The following NPTX2 variants were observed in gnomAD, a reference collection of about 807,000 sequenced individuals.
NPTX2 encodes the protein neuronal pentraxin 2.
A neutral mutation model predicts 38.1 loss-of-function variants in NPTX2; 23 were observed. The ratio of observed to expected loss-of-function variants is 0.60; its 90% CI spans 0.43 to 0.85. NPTX2 has a LOEUF of 0.85. NPTX2 is among the 40% of genes least tolerant of loss of function. NPTX2 has a pLI of 0.00. For synonymous variants in NPTX2, 291 were observed against 287.3 expected (o/e 1.01, Z -0.13); for missense variants, 553 against 615.3 (o/e 0.90, Z 1.07).
intron 2 of NPTX2, among the ~76,000 whole-genome samples, chr7:98,623,507 C>T (rs1027881655): frequency 2.0e-5 from 3 of 152,138 alleles, no homozygotes; most frequent in African/African-American, 7.2e-5. Flanking sequence ...GGTGTGTTCC[C>T]CTAAATGAGG....
intron 4 of NPTX2, among the ~76,000 whole-genome samples, chr7:98,627,806 GC>G (rs1245175142): frequency 2.0e-5 from 3 of 152,104 alleles, no homozygotes; most frequent in Non-Finnish European, 2.9e-5. Context: ...TCTTCCAGGA[GC>G]CCCCTGCTCA....
intron 3 of NPTX2, among the ~76,000 whole-genome samples, chr7:98,625,857 T>G (rs1399164456): frequency 6.6e-6 from 1 of 151,912 alleles, no homozygotes; most frequent in Non-Finnish European, 1.5e-5. Context: ...GGAGTGGTCT[T>G]CTCAAGGGCT....
rs1446791025 is a variant in NPTX2 at position 98,628,508 on chromosome 7, C to T, written c.1175C>T (p.Ala392Val). 3 of 1,610,628 alleles carry T rather than the reference C, an allele frequency of 1.9e-6. No individual in the cohort carries two copies. The African/African-American group carries it at 4.0e-5, about 22-fold the overall frequency. ...CGCGCACAAGAAATTGTCAACATCG[C>T]CAACTGCTCCACAAACATGCCGGGC... ...VLRAQEIVNI[A>V]NCSTNMPGNI... Residue 392 changes from alanine to valine, a missense_variant, in exon 5 of 5, where the codon GCC becomes GTC. Coordinates refer to ENST00000265634, the MANE Select transcript of NPTX2 (RefSeq NM_002523.3).
At position 98,619,487 on chromosome 7, in the gene NPTX2, A is replaced by G. The variant is rs73711717; in HGVS notation, c.427-156A>G. On this transcript the variant is annotated intron_variant, in intron 1 of 4. Transcript: ENST00000265634. The stretch of plus-strand genomic sequence containing the variant: ...GACTTTGAAATCTTTTCCATACCAA[A>G]AAAGCATCAGTGAGATGCTCCCCTG... 0.021 allele frequency among the ~76,000 whole-genome samples: 3,146 copies of G among 152,354 alleles called. 71 individuals are homozygous for G. The highest frequency in any genetic ancestry group is 0.052 in the African/African-American group (2,165 of 41,574).
intron 1 of NPTX2, among the ~76,000 whole-genome samples, chr7:98,618,569 T>TCTCCCCC (rs1791216138): frequency 3.3e-5 from 1 of 30,092 alleles, no homozygotes; most frequent in Non-Finnish European, 6.2e-5. Flanking sequence ...TCTCTCTCTC[T>TCTCCCCC]CCCCCCCTCC....
chr7:98,617,944 G>A, intron 1 of NPTX2, 57 bp downstream of exon 1: 1 of 1,508,520 alleles, frequency 6.6e-7, no homozygotes, highest in Non-Finnish European at 8.8e-7. Context: ...CGAGTCGGGG[G>A]CGGAAGACTC....
chr7:98,620,101 C>T (rs766501058), intron 2 of NPTX2: 31 of 556,674 alleles, frequency 5.6e-5, no homozygotes, highest in Middle Eastern at 4.9e-4. Flanking sequence ...AGCAACCACA[C>T]GGGCGTTTCA....
At chr7:98,620,113 T>C (rs1394028255) in intron 2 of NPTX2, 4 of 540,392 alleles carry the variant, frequency 7.4e-6, no homozygotes, top group African/African-American at 5.7e-5. Context: ...GGCGTTTCAG[T>C]CCTTTGTTAA....
chr7:98,627,427 CGAG>C, intron 4 of NPTX2, 83 bp downstream of exon 4: 1 of 1,164,302 alleles, frequency 8.6e-7, no homozygotes, highest in South Asian at 1.3e-5. Context: ...AGGGATGGTG[CGAG>C]GAGGGGCCAA....
rs2115626397 is a variant in NPTX2, at chr7:98,624,991, G to A, written c.713G>A (p.Gly238Asp). ...CCACTCCGCACAAACTACCTATACG[G>A]CAAGATCAAGAAGACGCTGCCTGAG... is the stretch of plus-strand genomic sequence containing the variant. ...SLPLRTNYLYGKIKKTLPELY... is the reference protein window; with the variant it reads ...SLPLRTNYLYDKIKKTLPELY... Residue 238 changes from glycine to aspartate, a missense_variant, in exon 3 of 5, where the codon GGC becomes GAC. Coordinates refer to ENST00000265634, the MANE Select transcript of NPTX2 (RefSeq NM_002523.3). 6.2e-7 allele frequency: 1 copy of A among 1,613,912 alleles called. No individual in the cohort carries two copies. The highest frequency in any genetic ancestry group is 2.2e-5 in the East Asian group (1 of 44,876).
Position 98,628,477 on chromosome 7 carries a change from G to A in NPTX2, c.1144G>A (p.Val382Ile), listed in dbSNP as rs761289601. 1.2e-5 allele frequency: 20 copies of A among 1,611,758 alleles called. No homozygotes were observed. Among genetic ancestry groups the A allele is most frequent in the Non-Finnish European group, 1.7e-5 (20 of 1,178,574 alleles). ...CAGCCAGTTCAACATATGGGACCGC[G>A]TCCTTCGCGCACAAGAAATTGTCAA... ...ELSQFNIWDR[V>I]LRAQEIVNIA... The change falls in exon 5 of 5, where the codon GTC (valine) becomes ATC (isoleucine). Residue 382 changes from valine (V) to isoleucine (I), a missense_variant. By Grantham distance (29) the Val-to-Ile change is conservative. Coordinates refer to ENST00000265634, the MANE Select transcript of NPTX2 (RefSeq NM_002523.3).
rs764502998 is a variant in NPTX2 at position 98,624,979 on chromosome 7, A to G, written c.701A>G (p.Asn234Ser). The stretch of plus-strand genomic sequence containing the variant: ...AAGGTGTCCCTCCCACTCCGCACAA[A>G]CTACCTATACGGCAAGATCAAGAAG... ...AFKVSLPLRT[N>S]YLYGKIKKTL... is the part of the protein sequence containing the mutation. The change falls in exon 3 of 5, where the codon AAC becomes AGC. Residue 234 changes from asparagine (N) to serine (S), a missense_variant. Coordinates refer to ENST00000265634, the MANE Select transcript of NPTX2 (RefSeq NM_002523.3). 2 of 1,613,844 alleles carry G rather than the reference A, an allele frequency of 1.2e-6. No homozygotes were observed. The highest frequency in any genetic ancestry group is 1.7e-6 in the Non-Finnish European group (2 of 1,179,996).
At chr7:98,620,612 T>C (rs1256808706) in intron 2 of NPTX2, among the ~76,000 whole-genome samples, 1 of 152,178 alleles carries the variant, frequency 6.6e-6, no homozygotes, top group African/African-American at 2.4e-5. Context: ...CCAAAAAATC[T>C]TCCTTTCTGT....
intron 2 of NPTX2, among the ~76,000 whole-genome samples, chr7:98,624,437 C>T (rs1791313727): frequency 6.6e-6 from 1 of 152,102 alleles, no homozygotes; most frequent in Non-Finnish European, 1.5e-5. Flanking sequence ...CTTTTCCTGT[C>T]CTAAAAGATG....
Position 98,619,669 on chromosome 7 carries a change from T to A in NPTX2, c.453T>A (p.Asn151Lys). 6.2e-7 allele frequency: 1 copy of A among 1,613,328 alleles called. No homozygotes were observed. Among genetic ancestry groups the A allele is most frequent in the Non-Finnish European group, 8.5e-7 (1 of 1,180,028 alleles). The change falls in exon 2 of 5, where the codon AAT (asparagine) becomes AAA (lysine). Residue 151 changes from asparagine to lysine, a missense_variant. Transcript: ENST00000265634. ...ACCAGCTCAGAGCAAACGTGTCCAA[T>A]GCTGGGCTGCCCGGCGACTTCCGCG... ...LEHQLRANVS[N>K]AGLPGDFREV...
At position 98,628,579 on chromosome 7, in the gene NPTX2, G is replaced by A; in HGVS notation, c.1246G>A (p.Ala416Thr). ...CAATAACGTCGATGTGTTCGGAGGG[G>A]CCTCCAAGTGGCCCGTGGAGACGTG... Reference protein sequence around the residue: ...VDNNVDVFGGASKWPVETCEE... With the variant: ...VDNNVDVFGGTSKWPVETCEE... Residue 416 changes from alanine to threonine, a missense_variant, in exon 5 of 5, where the codon GCC (alanine) becomes ACC (threonine). Coordinates refer to ENST00000265634, the MANE Select transcript of NPTX2 (RefSeq NM_002523.3). 1 of 1,604,630 alleles carries A rather than the reference G, an allele frequency of 6.2e-7. No homozygotes were observed. The highest frequency in any genetic ancestry group is 1.1e-5 in the South Asian group (1 of 89,558).
chr7:98,624,424 C>A (rs1791313430), intron 2 of NPTX2, among the ~76,000 whole-genome samples: 1 of 152,148 alleles, frequency 6.6e-6, no homozygotes, highest in African/African-American at 2.4e-5. Flanking sequence ...TTTCAAGAGG[C>A]CTCTTTTCCT....
intron 2 of NPTX2, among the ~76,000 whole-genome samples, chr7:98,621,198 G>C (rs890115247): frequency 3.3e-5 from 5 of 152,058 alleles, no homozygotes; most frequent in African/African-American, 1.2e-4. Flanking sequence ...CCCAGAAGCT[G>C]CCACTTTGTG....
intron 2 of NPTX2, 140 bp downstream of exon 2, chr7:98,619,999 A>C: frequency 2.8e-6 from 2 of 725,190 alleles, no homozygotes; most frequent in South Asian, 1.7e-5. Context: ...CAAATAATAA[A>C]GGCGACTGAA....
Sources: allele counts gnomAD v4.1 joint callset (sites outside exome capture counted in the v4.1 genomes callset), GRCh38; gene constraint gnomAD v4.1.1; transcripts MANE v1.5; gene names NCBI Gene and HGNC (gene_info 2026-07-23, HGNC 2026-07-21).